The following GRM8 variants were observed in gnomAD, a reference collection of about 807,000 sequenced individuals.
GRM8 encodes the protein metabotropic glutamate receptor 8.
In GRM8, 47 loss-of-function variants were observed where a neutral mutation model predicts 87.2. The observed-to-expected ratio is 0.54, with a 90% confidence interval of 0.43 to 0.69. The LOEUF (loss-of-function observed/expected upper bound fraction) is 0.69. Among genes scored for constraint, GRM8 ranks in the 30% least tolerant of loss-of-function variants. The probability of loss-of-function intolerance (pLI) is 0.00; values close to 1 mark genes in which losing one functional copy is unlikely to be tolerated. For missense variants in GRM8, 1,019 were observed against 1,139.2 expected (o/e 0.89, Z 1.52); for synonymous variants, 396 against 404.5 (o/e 0.98, Z 0.25).
intron 7 of GRM8, among the ~76,000 whole-genome samples, chr7:126,649,051 A>G (rs1220372911): frequency 6.6e-6 from 1 of 152,232 alleles, no homozygotes; most frequent in Non-Finnish European, 1.5e-5. Flanking sequence ...ACATCACACT[A>G]TCTTAATCTA....
chr7:127,013,371 C>A (rs1032207566), intron 3 of GRM8, among the ~76,000 whole-genome samples: 1 of 152,094 alleles, frequency 6.6e-6, no homozygotes, highest in Admixed American at 6.6e-5. Flanking sequence ...GCAGAATGAC[C>A]TCACCTCCAC....
intron 3 of GRM8, among the ~76,000 whole-genome samples, chr7:126,951,638 G>A (rs953519599): frequency 7.9e-5 from 12 of 152,060 alleles, no homozygotes; most frequent in African/African-American, 2.9e-4. Context: ...AATTTAGTCA[G>A]TAAATATGTT....
At chr7:126,637,485 A>C (rs1801981906) in intron 7 of GRM8, among the ~76,000 whole-genome samples, 1 of 152,074 alleles carries the variant, frequency 6.6e-6, no homozygotes. Context: ...AAAAGAAGTT[A>C]AATAAATAAA....
At chr7:126,869,300 T>C (rs1798876536) in intron 6 of GRM8, 1 of 152,222 alleles carries the variant, frequency 6.6e-6, no homozygotes, top group Non-Finnish European at 1.5e-5. Context: ...CAAAGACATT[T>C]ATAAGAGATG....
At chr7:126,559,320 G>C (rs1311480475) in intron 8 of GRM8, among the ~76,000 whole-genome samples, 1 of 151,786 alleles carries the variant, frequency 6.6e-6, no homozygotes, top group Non-Finnish European at 1.5e-5. Context: ...TTACAGGCAT[G>C]TACCACCACA....
chr7:126,628,076 G>A (rs191446660), intron 7 of GRM8, among the ~76,000 whole-genome samples: 115 of 151,922 alleles, frequency 7.6e-4, no homozygotes, highest in African/African-American at 2.7e-3. Context: ...ACACAGCCTC[G>A]CTCTGTCGCC....
At chr7:126,672,563 T>C (rs1806491895) in intron 7 of GRM8, among the ~76,000 whole-genome samples, 1 of 152,134 alleles carries the variant, frequency 6.6e-6, no homozygotes, top group East Asian at 1.9e-4. Flanking sequence ...TCCTCCAAAC[T>C]GGGAAAAGTT....
intron 8 of GRM8, among the ~76,000 whole-genome samples, chr7:126,590,711 C>A (rs752557576): frequency 6.6e-6 from 1 of 152,064 alleles, no homozygotes; most frequent in Non-Finnish European, 1.5e-5. Context: ...AGATTGGGGC[C>A]CTATCTTCAG....
rs1175617855 is a variant in GRM8 at position 126,994,173 on chromosome 7, C to T, written c.728-89490G>A. On this transcript the variant is annotated intron_variant, in intron 3 of 10. Coordinates refer to ENST00000339582, the MANE Select transcript of GRM8 (RefSeq NM_000845.3). ...AACCAACATAGGGTAGATCAGTGGG[C>T]AGAGTAGTGAGGCCTGCATCCTAGG... 2.0e-5 allele frequency among the ~76,000 whole-genome samples: 3 copies of T among 152,076 alleles called. No individual in the cohort carries two copies. In the East Asian group the frequency reaches 5.8e-4, roughly 29 times the overall value.
At chr7:127,129,023 T>C (rs1006224931) in intron 2 of GRM8, among the ~76,000 whole-genome samples, 3 of 152,164 alleles carry the variant, frequency 2.0e-5, no homozygotes, top group Non-Finnish European at 4.4e-5. Context: ...ATCATATGAC[T>C]TCATAATGAC....
chr7:127,243,951 T>C (rs964627238), intron 1 of GRM8, among the ~76,000 whole-genome samples: 1 of 152,130 alleles, frequency 6.6e-6, no homozygotes, highest in Non-Finnish European at 1.5e-5. Flanking sequence ...AGTCATCTGT[T>C]AATGACTTTT....
rs148144701 is a variant in GRM8 at position 127,059,687 on chromosome 7, C to A, written c.727+46809G>T. Among the ~76,000 whole-genome samples, 433 of 152,264 alleles carry A rather than the reference C, an allele frequency of 2.8e-3. 2 individuals carry two copies. Among genetic ancestry groups the A allele is most frequent in the African/African-American group, 0.01 (417 of 41,554 alleles). On this transcript the variant is annotated intron_variant, in intron 3 of 10. Coordinates refer to ENST00000339582, the MANE Select transcript of GRM8 (RefSeq NM_000845.3). The stretch of plus-strand genomic sequence containing the variant: ...GACTCACACTCATATTACCATAATC[C>A]TTCATCATAATTACAAATAGCCTCT...
chr7:126,533,332 C>T lies in GRM8; in HGVS notation c.2050G>A (p.Val684Ile), dbSNP rs2150858158. The T allele has an allele frequency of 6.2e-7, 1 of 1,613,698 alleles. No homozygotes were observed. Among genetic ancestry groups the T allele is most frequent in the South Asian group, 1.1e-5 (1 of 91,058 alleles). ...HRIFEQGKKSVTAPKFISPAS... is the reference protein window; with the variant it reads ...HRIFEQGKKSITAPKFISPAS... ...GGACTAATGAACTTGGGCGCTGTGACAGATTTCTTCCCCTGCTCAAATATT... is the reference window on the plus strand; with the variant it reads ...GGACTAATGAACTTGGGCGCTGTGATAGATTTCTTCCCCTGCTCAAATATT... Residue 684 changes from valine to isoleucine, a missense_variant, in exon 9 of 11, where the codon GTC becomes ATC. Transcript: ENST00000339582.
chr7:127,063,047 T>G (rs1324728364), intron 3 of GRM8, among the ~76,000 whole-genome samples: 1 of 150,602 alleles, frequency 6.6e-6, no homozygotes, highest in Non-Finnish European at 1.5e-5. Flanking sequence ...AGTCAGGAGA[T>G]CAAGACCATG....
chr7:126,780,807 G>GCCATCAAAAGGTAACATAACCAGATTT (rs1312580000), intron 6 of GRM8, among the ~76,000 whole-genome samples: 252 of 152,258 alleles, frequency 1.7e-3, no homozygotes, highest in Non-Finnish European at 2.9e-3. Flanking sequence ...GCAGAGGGAA[G>GCCATCAAAAGGTAACATAACCAGATTT]CCATCAAAAG....
chr7:126,490,598 T>C (rs1807894582), intron 9 of GRM8, among the ~76,000 whole-genome samples: 1 of 151,998 alleles, frequency 6.6e-6, no homozygotes, highest in African/African-American at 2.4e-5. Context: ...GAGGAGGTGG[T>C]CTCCATGTTT....
At chr7:126,639,417 G>A (rs954012860) in intron 7 of GRM8, among the ~76,000 whole-genome samples, 1 of 152,172 alleles carries the variant, frequency 6.6e-6, no homozygotes, top group East Asian at 1.9e-4. Flanking sequence ...TTATTTGAGA[G>A]TGCAAAGGGG....
chr7:126,787,524 T>C (rs1820745991), intron 6 of GRM8, among the ~76,000 whole-genome samples: 1 of 152,172 alleles, frequency 6.6e-6, no homozygotes, highest in Non-Finnish European at 1.5e-5. Context: ...AAAGTACAAA[T>C]CTTCTATTAT....
rs1563610698 is a variant in GRM8 at position 127,252,890 on chromosome 7, C to T, written c.-405G>A. On this transcript the variant is annotated 5_prime_UTR_variant, in exon 1 of 11. Coordinates refer to ENST00000339582, the MANE Select transcript of GRM8 (RefSeq NM_000845.3). The surrounding 1 kb of genome is among the most constrained non-coding windows in gnomAD (Gnocchi z 4.9). ...CCGCCGCCGCCGCCGCCGCGTGAGG[C>T]GAGCACAGCGGCCGCACTTGTGGCT... 1 of 214,426 alleles carries T rather than the reference C, an allele frequency of 4.7e-6. No homozygotes were observed. The highest frequency in any genetic ancestry group is 8.9e-6 in the Non-Finnish European group (1 of 111,910). The allele number at this position is 214,426 out of a possible 1,614,324, so 13.3% of individuals were successfully genotyped here.
Sources: allele counts gnomAD v4.1 joint callset (sites outside exome capture counted in the v4.1 genomes callset), GRCh38; gene constraint gnomAD v4.1.1; non-coding constraint Gnocchi (gnomAD v3.1); transcripts MANE v1.5; gene names NCBI Gene and HGNC (gene_info 2026-07-23, HGNC 2026-07-21).